EP400: variants seen among roughly 807,000 people sequenced by gnomAD.
The protein encoded by EP400 is E1A binding protein p400, also known as E1A-binding protein p400.
EP400 carries 105 observed loss-of-function variants against 354.1 expected under a neutral mutation model. The ratio of observed to expected loss-of-function variants is 0.30; its 90% confidence interval spans 0.25 to 0.35. The LOEUF is 0.35. Among genes scored for constraint, EP400 ranks in the 10% least tolerant of loss-of-function variants. EP400 has a pLI of 1.00. For missense variants in EP400, 3,280 were observed against 4,121.0 expected (o/e 0.80, Z 5.59); for synonymous variants, 1,646 against 1,716.9 (o/e 0.96, Z 1.02).
chr12:132,069,154 C>T (rs1290168077), intron 50 of EP400: 7 of 276,348 alleles, frequency 2.5e-5, no homozygotes, highest in African/African-American at 1.3e-4. Context: ...TGATCGCTTT[C>T]AGTCACCTAA....
chr12:131,957,761 A>G lies in EP400; in HGVS notation c.-35-2824A>G, dbSNP rs563679801. On this transcript the variant is annotated intron_variant, in intron 1 of 52. Transcript: ENST00000389561. ...CAGACGTGTGCTACCACGCCCAGCT[A>G]ATTTTTGTATTTTTAGTAGAAATGG... 9.9e-5 allele frequency among the ~76,000 whole-genome samples: 15 copies of G among 152,012 alleles called. No individual in the cohort carries two copies. In the South Asian group the frequency reaches 3.1e-3, roughly 32 times the overall value.
chr12:132,011,372 C>T, intron 15 of EP400, 126 bp from the exon 16 acceptor site: 3 of 1,198,140 alleles, frequency 2.5e-6, no homozygotes, highest in East Asian at 2.4e-5. Context: ...CCAAGTCTGC[C>T]TCAGTCGTGC....
rs1593324055 is a variant in EP400 at position 131,982,244 on chromosome 12, T to C, written c.1695T>C (p.Gly565=). ...PQLPGRLPPA[G]VPTAALSSAL... Reference sequence around the variant, plus strand: ...TGCCCGGGAGGCTGCCCCCAGCCGGTGTTCCCACTGCAGCCCTCTCCTCTG... The same window carrying C: ...TGCCCGGGAGGCTGCCCCCAGCCGGCGTTCCCACTGCAGCCCTCTCCTCTG... The change falls in exon 5 of 53, where the codon GGT becomes GGC. Residue 565 remains glycine, a synonymous_variant. Coordinates refer to ENST00000389561, the MANE Select transcript of EP400 (RefSeq NM_015409.5). 1 of 1,614,074 alleles carries C rather than the reference T, an allele frequency of 6.2e-7. No homozygotes were observed. Among genetic ancestry groups the C allele is most frequent in the Non-Finnish European group, 8.5e-7 (1 of 1,180,012 alleles).
chr12:132,021,382 G>C, intron 23 of EP400, 61 bp downstream of exon 23: 1 of 1,442,378 alleles, frequency 6.9e-7, no homozygotes, highest in Non-Finnish European at 9.1e-7. Context: ...GTTGTGTTAA[G>C]AACACGGGGA....
At chr12:132,037,865 C>T in intron 31 of EP400, 72 bp downstream of exon 31, 3 of 1,608,622 alleles carry the variant, frequency 1.9e-6, no homozygotes, top group Admixed American at 1.7e-5. Context: ...GGTGTTAGTG[C>T]ACACTAGCAA....
Position 131,963,652 on chromosome 12 carries a change from G to A in EP400, c.1335+1698G>A, listed in dbSNP as rs542482396. ...GCAGCAACCATTTCAGGTACTTTTC[G>A]ATGGTTCTCAAATGTAGTCTCATCC... is the stretch of plus-strand genomic sequence containing the variant. On this transcript the variant is annotated intron_variant, in intron 2 of 52. Transcript: ENST00000389561. 15 of 1,593,328 alleles carry A rather than the reference G, an allele frequency of 9.4e-6. 1 individual carries two copies. Among genetic ancestry groups the A allele is most frequent in the South Asian group, 7.7e-5 (7 of 90,452 alleles).
intron 5 of EP400, among the ~76,000 whole-genome samples, chr12:131,986,019 G>C (rs1322662337): frequency 3.3e-5 from 5 of 152,094 alleles, no homozygotes; most frequent in Non-Finnish European, 4.4e-5. Flanking sequence ...TCGTTGCCCA[G>C]GCTGGAGTAC....
At chr12:132,076,736 A>G (rs1462140349) in intron 52 of EP400, 143 bp downstream of exon 52, 10 of 745,618 alleles carry the variant, frequency 1.3e-5, no homozygotes, top group Non-Finnish European at 2.2e-5. Context: ...AACTAGATAC[A>G]CTTAATAATG....
chr12:132,051,513 C>G (rs1174037257), intron 41 of EP400, among the ~76,000 whole-genome samples: 1 of 152,180 alleles, frequency 6.6e-6, no homozygotes, highest in Non-Finnish European at 1.5e-5. Flanking sequence ...GATCACATGG[C>G]CACTGGACAG....
intron 30 of EP400, among the ~76,000 whole-genome samples, chr12:132,032,984 G>A (rs1034060109): frequency 8.5e-5 from 13 of 152,050 alleles, no homozygotes; most frequent in Admixed American, 7.9e-4. Context: ...TTTCGCTCTT[G>A]TTAGCCAGGC....
At chr12:132,065,074 C>G in intron 48 of EP400, 188 bp downstream of exon 48, 1 of 1,088,982 alleles carries the variant, frequency 9.2e-7, no homozygotes. Context: ...AACACAGCAG[C>G]AGCTCCCAGA....
chr12:132,041,592 G>A (rs967665635), intron 32 of EP400, among the ~76,000 whole-genome samples: 7 of 152,166 alleles, frequency 4.6e-5, no homozygotes, highest in African/African-American at 1.7e-4. Flanking sequence ...ACGTGATGGA[G>A]TGGTTCATTT....
intron 2 of EP400, among the ~76,000 whole-genome samples, chr12:131,972,835 G>T (rs1270972740): frequency 6.9e-6 from 1 of 143,972 alleles, no homozygotes. Flanking sequence ...AGGCTCAAAC[G>T]ATTCTCCTGT....
intron 12 of EP400, among the ~76,000 whole-genome samples, chr12:131,999,673 A>G (rs1046366728): frequency 6.6e-6 from 1 of 152,114 alleles, no homozygotes; most frequent in Non-Finnish European, 1.5e-5. Context: ...TCCTGACCTC[A>G]GGTGATCTGC....
intron 1 of EP400, among the ~76,000 whole-genome samples, chr12:131,951,506 C>T (rs1391878881): frequency 6.6e-6 from 1 of 152,154 alleles, no homozygotes; most frequent in Non-Finnish European, 1.5e-5. Flanking sequence ...TAGGGCTTCT[C>T]TCTGGGTTCG....
At chr12:131,952,117 G>A (rs1260548226) in intron 1 of EP400, among the ~76,000 whole-genome samples, 3 of 150,418 alleles carry the variant, frequency 2.0e-5, no homozygotes, top group East Asian at 2.0e-4. Context: ...TAGAAAAATG[G>A]GGTTTCACCC....
chr12:132,012,927 G>C, intron 16 of EP400, 82 bp from the exon 17 acceptor site: 2 of 1,432,704 alleles, frequency 1.4e-6, no homozygotes, highest in Non-Finnish European at 1.9e-6. Flanking sequence ...TGGGTGGCAA[G>C]CTTTGGGAAG....
chr12:132,005,080 A>T lies in EP400; in HGVS notation c.2831A>T (p.Glu944Val), dbSNP rs111512277. ...TELSNLAKEAELPLLDLMKLY... is the reference protein window; with the variant it reads ...TELSNLAKEAVLPLLDLMKLY... Reference sequence around the variant, plus strand: ...TTCTGCCCGCAACCCTCTGCAGCTGAGCTGCCCCTCCTGGACCTGATGAAG... The same window carrying T: ...TTCTGCCCGCAACCCTCTGCAGCTGTGCTGCCCCTCCTGGACCTGATGAAG... Residue 944 changes from glutamate to valine, a missense_variant, in exon 13 of 53, where the codon GAG becomes GTG. This residue lies in a region of EP400 where 800 missense variants were observed against 840.0 expected (regional missense o/e 0.95). Transcript: ENST00000389561. 1 of 1,578,490 alleles carries T rather than the reference A, an allele frequency of 6.3e-7. No homozygotes were observed. The highest frequency in any genetic ancestry group is 8.6e-7 in the Non-Finnish European group (1 of 1,161,988).
rs761426472 is a variant in EP400 at position 132,077,652 on chromosome 12, T to C, written c.9351T>C (p.Pro3117=). ...TCCCTGCTGTCAGGCTAAAGACACC[T>C]ACTAAGCCTCCGTGCCAGTAGTCAG... is the stretch of plus-strand genomic sequence containing the variant. The part of the protein sequence containing the change: ...MRVPAVRLKT[P]TKPPCQ Residue 3117 remains proline, a synonymous_variant, in exon 53 of 53, where the codon CCT becomes CCC. Transcript: ENST00000389561. The C allele has an allele frequency of 6.2e-7, 1 of 1,611,354 alleles. No homozygotes were observed. The highest frequency in any genetic ancestry group is 1.7e-5 in the Admixed American group (1 of 59,854).
Sources: allele counts gnomAD v4.1 joint callset (sites outside exome capture counted in the v4.1 genomes callset), GRCh38; gene constraint gnomAD v4.1.1; regional missense constraint gnomAD v4.1.1; transcripts MANE v1.5; gene names NCBI Gene and HGNC (gene_info 2026-07-23, HGNC 2026-07-21).